The following NDE1 variants were observed in gnomAD, a reference collection of about 807,000 sequenced individuals.
NDE1 encodes the protein nudE neurodevelopment protein 1, also known as nuclear distribution protein nudE homolog 1.
A neutral mutation model predicts 43.4 loss-of-function variants in NDE1; 28 were observed. The ratio of observed to expected loss-of-function variants is 0.65; its 90% CI spans 0.48 to 0.89. The LOEUF (loss-of-function observed/expected upper bound fraction) is 0.89. Among genes scored for constraint, NDE1 ranks in the 40% least tolerant of loss-of-function variants. The probability of loss-of-function intolerance (pLI) is 0.00; values close to 1 mark genes in which losing one functional copy is unlikely to be tolerated. For missense variants in NDE1, 441 were observed against 434.1 expected (o/e 1.02, Z -0.14); for synonymous variants, 184 against 172.0 (o/e 1.07, Z -0.55).
At chr16:15,678,018 A>G in intron 4 of NDE1, 69 bp downstream of exon 4, 1 of 1,582,248 alleles carries the variant, frequency 6.3e-7, no homozygotes, top group Non-Finnish European at 8.7e-7. Context: ...GCAGCTGGGT[A>G]CTGGGCCCTG....
At position 15,715,452 on chromosome 16, in the gene NDE1, G is replaced by A. The variant is rs1160312812; in HGVS notation, c.948-8739G>A. On this transcript the variant is annotated intron_variant, in intron 8 of 8. Transcript: ENST00000396354. ...GAAAAGGAATAAAGTATCAATGCATGCCACAGCATGGATGAGCCTGGAATT... is the reference window on the plus strand; with the variant it reads ...GAAAAGGAATAAAGTATCAATGCATACCACAGCATGGATGAGCCTGGAATT... Among the ~76,000 whole-genome samples, 3 of 152,148 alleles carry A rather than the reference G, an allele frequency of 2.0e-5. No homozygotes were observed. The East Asian group carries it at 5.8e-4, about 29-fold the overall frequency.
chr16:15,660,669 C>G (rs1371736302), intron 1 of NDE1, among the ~76,000 whole-genome samples: 4 of 152,166 alleles, frequency 2.6e-5, no homozygotes, highest in Non-Finnish European at 5.9e-5. Flanking sequence ...CTTTCCTCCT[C>G]CACTGTGTAG....
intron 3 of NDE1, among the ~76,000 whole-genome samples, chr16:15,673,698 G>C (rs2037718306): frequency 6.6e-6 from 1 of 151,928 alleles, no homozygotes; most frequent in South Asian, 2.1e-4. Context: ...ACGCCTGGCT[G>C]TTCTTAAATT....
At chr16:15,661,204 A>G (rs1052395023) in intron 1 of NDE1, among the ~76,000 whole-genome samples, 2 of 147,746 alleles carry the variant, frequency 1.4e-5, no homozygotes, top group African/African-American at 5.1e-5. Context: ...GCTGGAGTGC[A>G]GTGGCGCCAT....
At chr16:15,718,238 CG>C in intron 8 of NDE1, 2 of 1,599,492 alleles carry the variant, frequency 1.3e-6, no homozygotes, top group Non-Finnish European at 1.7e-6. Flanking sequence ...AGCCGCCACG[CG>C]TGTGTTGACT....
intron 6 of NDE1, among the ~76,000 whole-genome samples, chr16:15,693,937 T>C (rs908429680): frequency 8.5e-5 from 13 of 152,086 alleles, no homozygotes; most frequent in African/African-American, 2.7e-4. Flanking sequence ...AAGACTAACA[T>C]GTAAAAATAA....
intron 8 of NDE1, among the ~76,000 whole-genome samples, chr16:15,707,755 T>G (rs2039534760): frequency 1.3e-5 from 2 of 152,178 alleles, no homozygotes; most frequent in Non-Finnish European, 2.9e-5. Flanking sequence ...GCGGATCACC[T>G]GAAGTCAGGA....
At chr16:15,670,563 A>G (rs2037538996) in intron 3 of NDE1, among the ~76,000 whole-genome samples, 1 of 151,910 alleles carries the variant, frequency 6.6e-6, no homozygotes, top group Admixed American at 6.6e-5. Context: ...AGGCTGAGGC[A>G]GGAGAATCAC....
intron 4 of NDE1, among the ~76,000 whole-genome samples, chr16:15,679,490 C>G (rs1407893634): frequency 6.6e-6 from 1 of 152,100 alleles, no homozygotes; most frequent in Non-Finnish European, 1.5e-5. Context: ...GATAGACGCC[C>G]TCTTCTCTCT....
chr16:15,650,064 A>T (rs976652288), upstream of NDE1, among the ~76,000 whole-genome samples: 12 of 152,178 alleles, frequency 7.9e-5, no homozygotes, highest in Non-Finnish European at 1.5e-4. Flanking sequence ...CCCTCCGGCC[A>T]GGAGCCTTCG....
chr16:15,678,069 A>G (rs2151070890), intron 4 of NDE1, 120 bp downstream of exon 4: 1 of 1,296,938 alleles, frequency 7.7e-7, no homozygotes, highest in Non-Finnish European at 1.1e-6. Flanking sequence ...GAACAAAGCC[A>G]GTGCCCTTCT....
chr16:15,663,942 C>T (rs1360343743), intron 1 of NDE1, among the ~76,000 whole-genome samples: 1 of 152,058 alleles, frequency 6.6e-6, no homozygotes, highest in Non-Finnish European at 1.5e-5. Context: ...TGGCGCATGC[C>T]TGTAAAATCG....
chr16:15,721,702 C>G (rs968946577), intron 8 of NDE1: 3 of 1,530,926 alleles, frequency 2.0e-6, no homozygotes, highest in African/African-American at 2.7e-5. Flanking sequence ...TTGTAAATAC[C>G]GGGGGAAGCC....
Position 15,664,862 on chromosome 16 carries a change from G to A in NDE1, c.83+1G>A. ...ATCTGGCGATGACCTACAAACAGAG[G>A]TCAGTCCGAGTTCACCTGCTTTTCC... On this transcript the variant is annotated splice_donor_variant, in intron 2 of 8. Transcript: ENST00000396354. LOFTEE classifies it high-confidence loss of function. The A allele has an allele frequency of 1.2e-6, 2 of 1,607,162 alleles. No individual in the cohort carries two copies. The highest frequency in any genetic ancestry group is 1.7e-6 in the Non-Finnish European group (2 of 1,174,320).
At chr16:15,664,889 T>TC in intron 2 of NDE1, 28 bp downstream of exon 2, 2 of 748,134 alleles carry the variant, frequency 2.7e-6, no homozygotes, top group Admixed American at 3.5e-5. Context: ...TGCTTTTCCT[T>TC]TTTTTTTTTT....
chr16:15,719,189 C>T (rs1263292886), intron 8 of NDE1: 2 of 1,604,832 alleles, frequency 1.2e-6, no homozygotes, highest in Non-Finnish European at 1.7e-6. Context: ...TCCTCTGCTT[C>T]AGAGCCCTCT....
At chr16:15,702,593 G>T (rs1446716220) in intron 8 of NDE1, among the ~76,000 whole-genome samples, 2 of 138,902 alleles carry the variant, frequency 1.4e-5, no homozygotes, top group African/African-American at 2.6e-5. Flanking sequence ...TTTTTTTATA[G>T]AGACGGGGGT....
chr16:15,647,524 C>T (rs185988536), upstream of NDE1, among the ~76,000 whole-genome samples: 2 of 152,098 alleles, frequency 1.3e-5, no homozygotes, highest in Non-Finnish European at 1.5e-5. Flanking sequence ...CTACAGTGGC[C>T]TTCCCTGACT....
intron 4 of NDE1, chr16:15,684,427 TACTAA>T (rs2038330539): frequency 6.6e-6 from 1 of 151,946 alleles, no homozygotes. Flanking sequence ...ATGCTGTCTC[TACTAA>T]AAATACAAAA....
Sources: allele counts gnomAD v4.1 joint callset (sites outside exome capture counted in the v4.1 genomes callset), GRCh38; gene constraint gnomAD v4.1.1; transcripts MANE v1.5; gene names NCBI Gene and HGNC (gene_info 2026-07-23, HGNC 2026-07-21).